The following ZHX2 variants were observed in gnomAD, a reference collection of about 807,000 sequenced individuals.
ZHX2 encodes the protein zinc fingers and homeoboxes protein 2.
A neutral mutation model predicts 21.9 loss-of-function variants in ZHX2; 6 were observed. The observed-to-expected ratio is 0.27, with a 90% confidence interval of 0.15 to 0.54. The LOEUF is 0.54. Among genes scored for constraint, ZHX2 ranks in the 20% least tolerant of loss-of-function variants. The pLI is 0.95. For missense variants in ZHX2, 908 were observed against 1,090.7 expected (o/e 0.83, Z 2.36); for synonymous variants, 434 against 437.1 (o/e 0.99, Z 0.09).
chr8:122,866,322 A>G lies in ZHX2; in HGVS notation c.-220+2783A>G, dbSNP rs548958596. 1.5e-4 allele frequency among the ~76,000 whole-genome samples: 22 copies of G among 151,552 alleles called. 1 individual carries two copies. The South Asian group carries it at 4.6e-3, about 32-fold the overall frequency. ...AGTGATGATTCACTTTGCAAAAGGC[A>G]CTCCCCCCCACCCCAGGATTTGGAG... On this transcript the variant is annotated intron_variant, in intron 2 of 3. Coordinates refer to ENST00000314393, the MANE Select transcript of ZHX2 (RefSeq NM_014943.5).
At chr8:122,784,488 G>A (rs1249654411) in intron 1 of ZHX2, among the ~76,000 whole-genome samples, 1 of 152,184 alleles carries the variant, frequency 6.6e-6, no homozygotes, top group East Asian at 1.9e-4. Flanking sequence ...GATACACGAC[G>A]TCACAGTTAG....
chr8:122,972,821 G>A (rs1586436492), intron 3 of ZHX2, among the ~76,000 whole-genome samples: 1 of 152,234 alleles, frequency 6.6e-6, no homozygotes, highest in South Asian at 2.1e-4. Context: ...AGTCCTATAG[G>A]TACAGCCCTG....
chr8:122,905,951 C>T (rs958606065), intron 2 of ZHX2, among the ~76,000 whole-genome samples: 4 of 152,214 alleles, frequency 2.6e-5, no homozygotes, highest in East Asian at 1.9e-4. Flanking sequence ...TACATTTGCA[C>T]AGCTTCTCTT....
At chr8:122,819,112 A>G (rs1818090416) in intron 1 of ZHX2, among the ~76,000 whole-genome samples, 1 of 152,242 alleles carries the variant, frequency 6.6e-6, no homozygotes. Context: ...CTTGAAGGCC[A>G]GATGGGAGGC....
intron 1 of ZHX2, among the ~76,000 whole-genome samples, chr8:122,843,959 T>TCACACACACACACACA (rs3221811): frequency 1.8e-3 from 275 of 148,928 alleles, no homozygotes; most frequent in Non-Finnish European, 2.5e-3. Flanking sequence ...TTCTCACCCT[T>TCACACACACACACACA]CACACACACA....
intron 2 of ZHX2, among the ~76,000 whole-genome samples, chr8:122,912,943 AT>A (rs1366777820): frequency 6.6e-6 from 1 of 152,196 alleles, no homozygotes; most frequent in Non-Finnish European, 1.5e-5. Flanking sequence ...TTTTTAATAT[AT>A]TCAGAGTCAT....
At chr8:122,854,946 G>T (rs1661764331) in intron 1 of ZHX2, among the ~76,000 whole-genome samples, 1 of 152,202 alleles carries the variant, frequency 6.6e-6, no homozygotes, top group Non-Finnish European at 1.5e-5. Context: ...ATTTTCCGAT[G>T]TCTACCACTA....
At chr8:122,824,847 G>A (rs1563743554) in intron 1 of ZHX2, among the ~76,000 whole-genome samples, 1 of 152,194 alleles carries the variant, frequency 6.6e-6, no homozygotes, top group African/African-American at 2.4e-5. Context: ...CCTTCTGGAG[G>A]CTCTGGAGGA....
chr8:122,794,327 ATGT>A (rs1353413904), intron 1 of ZHX2, among the ~76,000 whole-genome samples: 2 of 151,142 alleles, frequency 1.3e-5, no homozygotes, highest in Non-Finnish European at 2.9e-5. Flanking sequence ...GAAGGAATAC[ATGT>A]TGTGTCATCT....
chr8:122,847,925 A>G (rs927007558), intron 1 of ZHX2, among the ~76,000 whole-genome samples: 1 of 152,098 alleles, frequency 6.6e-6, no homozygotes, highest in African/African-American at 2.4e-5. Flanking sequence ...TAATGAACCG[A>G]GCTTTACTCT....
intron 1 of ZHX2, among the ~76,000 whole-genome samples, chr8:122,791,409 G>C (rs758466684): frequency 6.6e-6 from 1 of 152,142 alleles, no homozygotes; most frequent in African/African-American, 2.4e-5. Flanking sequence ...GCCCTGCCTG[G>C]GCACGGGCAG....
chr8:122,971,297 T>A (rs1424919144), intron 3 of ZHX2, among the ~76,000 whole-genome samples: 2 of 151,504 alleles, frequency 1.3e-5, no homozygotes, highest in African/African-American at 4.9e-5. Flanking sequence ...CCTTTTTTTT[T>A]TTTTTTTCCT....
At chr8:122,888,631 C>A (rs1054535241) in intron 2 of ZHX2, among the ~76,000 whole-genome samples, 1 of 152,096 alleles carries the variant, frequency 6.6e-6, no homozygotes, top group South Asian at 2.1e-4. Flanking sequence ...TACAGGTATA[C>A]GCTGCCACAT....
intron 3 of ZHX2, among the ~76,000 whole-genome samples, chr8:122,956,207 T>C (rs138246990): frequency 5.1e-4 from 78 of 152,176 alleles, no homozygotes; most frequent in African/African-American, 1.7e-3. Context: ...TGCTTTTTCC[T>C]CCCACCCCAG....
intron 3 of ZHX2, among the ~76,000 whole-genome samples, chr8:122,959,860 C>A (rs1341664250): frequency 6.6e-6 from 1 of 152,206 alleles, no homozygotes; most frequent in African/African-American, 2.4e-5. Flanking sequence ...GAGCTTCTCA[C>A]CCTAGGAATT....
chr8:122,907,181 C>T (rs1024327399), intron 2 of ZHX2, among the ~76,000 whole-genome samples: 3 of 152,138 alleles, frequency 2.0e-5, no homozygotes, highest in African/African-American at 7.2e-5. Context: ...TGAGGCAAAA[C>T]TTTCCTCAAC....
At chr8:122,904,805 C>T (rs530037877) in intron 2 of ZHX2, among the ~76,000 whole-genome samples, 62 of 152,094 alleles carry the variant, frequency 4.1e-4, no homozygotes, top group African/African-American at 9.4e-4. Flanking sequence ...TCAAAATGAA[C>T]GATTAAAGAC....
At chr8:122,956,111 C>CT (rs1310886805) in intron 3 of ZHX2, among the ~76,000 whole-genome samples, 22 of 152,284 alleles carry the variant, frequency 1.4e-4, no homozygotes, top group Non-Finnish European at 1.3e-4. Flanking sequence ...TCCCAAAGTG[C>CT]TGGGATTACA....
intron 2 of ZHX2, among the ~76,000 whole-genome samples, chr8:122,910,756 T>G (rs1586381335): frequency 1.3e-4 from 17 of 134,818 alleles, no homozygotes; most frequent in South Asian, 2.8e-4. Flanking sequence ...GGGTGGGGGG[T>G]GAGGAATACA....
Sources: gnomAD v4.1 joint callset for allele counts (sites outside exome capture counted in the v4.1 genomes callset) on GRCh38, gnomAD v4.1.1 for gene constraint, MANE v1.5 for transcripts, NCBI Gene and HGNC (gene_info 2026-07-23, HGNC 2026-07-21) for gene names.